DLG2: variants seen among roughly 807,000 people sequenced by gnomAD.
The protein encoded by DLG2 is discs large MAGUK scaffold protein 2.
DLG2 carries 45 observed loss-of-function variants against 132.5 expected under a neutral mutation model. That is an observed-to-expected ratio of 0.34 (90% CI 0.27 to 0.44). The LOEUF (loss-of-function observed/expected upper bound fraction) is 0.44. Among genes scored for constraint, DLG2 ranks in the 20% least tolerant of loss-of-function variants. DLG2 has a pLI of 1.00. For synonymous variants in DLG2, 424 were observed against 419.6 expected (o/e 1.01, Z -0.13); for missense variants, 1,045 against 1,196.9 (o/e 0.87, Z 1.87).
At chr11:84,779,742 T>C (rs900058155) in intron 6 of DLG2, among the ~76,000 whole-genome samples, 1 of 152,112 alleles carries the variant, frequency 6.6e-6, no homozygotes, top group Non-Finnish European at 1.5e-5. Flanking sequence ...GAGACTATTA[T>C]GAACAACTAC....
At chr11:84,016,269 T>C (rs935546479) in intron 11 of DLG2, among the ~76,000 whole-genome samples, 6 of 152,310 alleles carry the variant, frequency 3.9e-5, no homozygotes, top group African/African-American at 1.4e-4. Context: ...TTACAGATAC[T>C]GGATATTAGA....
chr11:85,009,107 A>T (rs2154134370), intron 6 of DLG2, among the ~76,000 whole-genome samples: 1 of 152,160 alleles, frequency 6.6e-6, no homozygotes, highest in South Asian at 2.1e-4. Context: ...AACTAGAGGA[A>T]AAGGTAAGGT....
intron 6 of DLG2, among the ~76,000 whole-genome samples, chr11:84,641,058 T>C (rs2154545138): frequency 6.6e-6 from 1 of 152,288 alleles, no homozygotes; most frequent in African/African-American, 2.4e-5. Context: ...CTGGGGAAAC[T>C]GATCTGGGGA....
intron 7 of DLG2, among the ~76,000 whole-genome samples, chr11:84,385,901 G>A (rs575186851): frequency 6.6e-6 from 1 of 152,180 alleles, no homozygotes; most frequent in Admixed American, 6.5e-5. Context: ...TCAAGACACA[G>A]TTATTTGTTA....
chr11:84,475,308 G>A (rs1237137632), intron 7 of DLG2, among the ~76,000 whole-genome samples: 1 of 151,948 alleles, frequency 6.6e-6, no homozygotes, highest in African/African-American at 2.4e-5. Context: ...CTTCCAAAGG[G>A]TATCAATAAG....
intron 16 of DLG2, among the ~76,000 whole-genome samples, chr11:83,834,332 T>C (rs1413551171): frequency 6.6e-6 from 1 of 152,128 alleles, no homozygotes. Flanking sequence ...AGCACAGATA[T>C]GATCGGAGGT....
intron 7 of DLG2, among the ~76,000 whole-genome samples, chr11:84,502,870 A>T (rs1439593951): frequency 2.0e-5 from 3 of 152,194 alleles, no homozygotes; most frequent in Non-Finnish European, 4.4e-5. Context: ...AACTAATAAA[A>T]ATCTGGACAA....
chr11:83,477,929 G>A (rs2092748672), intron 22 of DLG2, among the ~76,000 whole-genome samples: 1 of 151,952 alleles, frequency 6.6e-6, no homozygotes, highest in South Asian at 2.1e-4. Context: ...ATCTTGCCTA[G>A]CTAGCAAGTT....
At chr11:84,559,311 C>A (rs1268031653) in intron 6 of DLG2, among the ~76,000 whole-genome samples, 1 of 151,980 alleles carries the variant, frequency 6.6e-6, no homozygotes, top group Admixed American at 6.6e-5. Context: ...CAGCTTCTGC[C>A]ATGAAGAGGT....
At chr11:83,832,731 T>C (rs752438451) in intron 17 of DLG2, among the ~76,000 whole-genome samples, 5 of 152,078 alleles carry the variant, frequency 3.3e-5, no homozygotes, top group Non-Finnish European at 5.9e-5. Flanking sequence ...AGAAACATCG[T>C]GTGTACCGCC....
chr11:84,539,610 T>C (rs562687101), intron 6 of DLG2, among the ~76,000 whole-genome samples: 1 of 152,318 alleles, frequency 6.6e-6, no homozygotes, highest in African/African-American at 2.4e-5. Context: ...AAGTCATCGG[T>C]AGCTTGATGG....
intron 10 of DLG2, among the ~76,000 whole-genome samples, chr11:84,064,131 CA>C (rs1463938381): frequency 1.3e-5 from 2 of 150,674 alleles, no homozygotes; most frequent in Non-Finnish European, 3.0e-5. Context: ...ATATATATAA[CA>C]AAAAAATTTT....
At chr11:84,827,225 G>A (rs1475170853) in intron 6 of DLG2, among the ~76,000 whole-genome samples, 1 of 151,676 alleles carries the variant, frequency 6.6e-6, no homozygotes, top group Non-Finnish European at 1.5e-5. Context: ...CTTTCCTTAT[G>A]TTAAAGTCTC....
chr11:84,417,142 T>G (rs1028794334), intron 7 of DLG2, among the ~76,000 whole-genome samples: 5 of 152,218 alleles, frequency 3.3e-5, no homozygotes, highest in African/African-American at 7.2e-5. Context: ...GATTAGTTAC[T>G]GAATAAATGG....
intron 14 of DLG2, among the ~76,000 whole-genome samples, chr11:83,949,976 C>A (rs1032542642): frequency 6.6e-6 from 1 of 152,062 alleles, no homozygotes; most frequent in Non-Finnish European, 1.5e-5. Flanking sequence ...AGATGTTAAG[C>A]CTAATCTATT....
chr11:84,427,712 C>T (rs1428039609), intron 7 of DLG2, among the ~76,000 whole-genome samples: 2 of 151,622 alleles, frequency 1.3e-5, no homozygotes, highest in African/African-American at 4.9e-5. Flanking sequence ...TTTTTCCTTT[C>T]CACAGAAAAT....
chr11:85,559,036 G>A (rs1358192314), intron 3 of DLG2, among the ~76,000 whole-genome samples: 1 of 151,670 alleles, frequency 6.6e-6, no homozygotes, highest in Non-Finnish European at 1.5e-5. Flanking sequence ...GAGAAGCCCT[G>A]AAATTCAATT....
chr11:84,392,194 T>G (rs1200949541), intron 7 of DLG2, among the ~76,000 whole-genome samples: 1 of 152,206 alleles, frequency 6.6e-6, no homozygotes, highest in Non-Finnish European at 1.5e-5. Context: ...TGTGCCCCTG[T>G]ACTTCTTCTT....
chr11:84,890,154 G>T (rs1600942265), intron 6 of DLG2, among the ~76,000 whole-genome samples: 1 of 152,156 alleles, frequency 6.6e-6, no homozygotes, highest in South Asian at 2.1e-4. Context: ...GGACCTGATT[G>T]AAGGGTATAA....
Sources: gnomAD v4.1 joint callset for allele counts (sites outside exome capture counted in the v4.1 genomes callset) on GRCh38, gnomAD v4.1.1 for gene constraint, MANE v1.5 for transcripts, NCBI Gene and HGNC (gene_info 2026-07-23, HGNC 2026-07-21) for gene names.